Variants in PCDHGA2 observed in about 807,000 individuals in gnomAD.
PCDHGA2 encodes the protein protocadherin gamma-A2.
Under a neutral mutation model 59.2 loss-of-function variants are expected in PCDHGA2, and 40 were observed. The ratio of observed to expected loss-of-function variants is 0.68; its 90% CI spans 0.52 to 0.88. The LOEUF is 0.88. PCDHGA2 is among the 40% of genes least tolerant of loss of function. PCDHGA2 has a pLI of 0.00. For synonymous variants in PCDHGA2, 560 were observed against 526.0 expected (o/e 1.06, Z -0.89); for missense variants, 1,226 against 1,204.0 (o/e 1.02, Z -0.27).
At chr5:141,410,039 G>A (rs1413013254) in intron 1 of PCDHGA2, 2 of 1,613,264 alleles carry the variant, frequency 1.2e-6, no homozygotes, top group South Asian at 1.1e-5. Context: ...GCAGGCCAGT[G>A]AGCCCGGACT....
chr5:141,351,134 C>T (rs867124359), intron 1 of PCDHGA2: 1 of 1,614,022 alleles, frequency 6.2e-7, no homozygotes, highest in South Asian at 1.1e-5. Context: ...CAATCTCAAT[C>T]CAAATACTGG....
intron 1 of PCDHGA2, chr5:141,394,129 C>T: frequency 3.7e-6 from 6 of 1,613,968 alleles, no homozygotes; most frequent in Non-Finnish European, 5.1e-6. Context: ...ACTCAAATCG[C>T]TCTGCACGTG....
rs759041753 is a variant in PCDHGA2 at position 141,388,806 on chromosome 5, G to A, written c.2424+47411G>A. 32 of 1,613,842 alleles carry A rather than the reference G, an allele frequency of 2.0e-5. No individual in the cohort carries two copies. Among genetic ancestry groups the A allele is most frequent in the Non-Finnish European group, 2.5e-5 (29 of 1,179,864 alleles). On this transcript the variant is annotated intron_variant, in intron 1 of 3. Coordinates refer to ENST00000394576, the MANE Select transcript of PCDHGA2 (RefSeq NM_018915.4). Reference sequence around the variant, plus strand: ...TACTGTTTTAAATACATTAGATTTTGAAGAAGTCAAAGAATATTCCATAGT... The same window carrying A: ...TACTGTTTTAAATACATTAGATTTTAAAGAAGTCAAAGAATATTCCATAGT...
intron 1 of PCDHGA2, chr5:141,387,746 C>T (rs1051013306): frequency 1.5e-6 from 2 of 1,365,936 alleles, no homozygotes; most frequent in Non-Finnish European, 9.8e-7. Flanking sequence ...ACACCGCTTC[C>T]TCCTCGGAAA....
intron 1 of PCDHGA2, among the ~76,000 whole-genome samples, chr5:141,347,137 C>CTCTTTCTTTCTTTCTT (rs70988799): frequency 0.086 from 9,761 of 113,734 alleles, 841 homozygotes; most frequent in African/African-American, 0.13. Flanking sequence ...CTCTGTTTCT[C>CTCTTTCTTTCTTTCTT]TCTTTCTTTC....
chr5:141,507,251 A>G (rs958917337), intron 3 of PCDHGA2: 3 of 152,400 alleles, frequency 2.0e-5, no homozygotes, highest in Non-Finnish European at 4.4e-5. Context: ...TGAATGTCAG[A>G]TAAACAGCAA....
At chr5:141,423,495 C>T in intron 1 of PCDHGA2, 1 of 1,613,946 alleles carries the variant, frequency 6.2e-7, no homozygotes, top group African/African-American at 1.3e-5. Context: ...CCTATTCCCA[C>T]GAGGTCTCTC....
intron 1 of PCDHGA2, chr5:141,422,633 G>A (rs769515606): frequency 1.9e-6 from 3 of 1,613,120 alleles, no homozygotes; most frequent in Non-Finnish European, 2.5e-6. Flanking sequence ...AACCCCAGGG[G>A]TGCCTCCATC....
intron 1 of PCDHGA2, chr5:141,423,815 C>G (rs1002418139): frequency 7.9e-7 from 1 of 1,271,358 alleles, no homozygotes; most frequent in African/African-American, 1.6e-5. Context: ...GTGAGTTTTA[C>G]TTTGCCTTTC....
intron 1 of PCDHGA2, chr5:141,357,723 T>TA: frequency 7.2e-6 from 10 of 1,391,112 alleles, no homozygotes; most frequent in Middle Eastern, 3.8e-4. Context: ...AAGTTGCCTC[T>TA]TTTAATATTT....
In PCDHGA2 at chr5:141,376,126, C is replaced by T. The variant is rs770848918; in HGVS notation, c.2424+34731C>T. 8 of 1,613,916 alleles carry T rather than the reference C, an allele frequency of 5.0e-6. No individual in the cohort carries two copies. In the East Asian group the frequency reaches 1.3e-4, roughly 27 times the overall value. On this transcript the variant is annotated intron_variant, in intron 1 of 3. Transcript: ENST00000394576. ...CCGACCTGGGCAGCCTCGAGCCCTCCGCCAAACCCAACGATTCGGACCTCA... is the reference window on the plus strand; with the variant it reads ...CCGACCTGGGCAGCCTCGAGCCCTCTGCCAAACCCAACGATTCGGACCTCA...
rs2099612736 is a variant in PCDHGA2 at position 141,485,393 on chromosome 5, C to T, written c.2425-9414C>T. The T allele has an allele frequency of 6.2e-7, 1 of 1,614,154 alleles. No homozygotes were observed. The highest frequency in any genetic ancestry group is 1.7e-5 in the Admixed American group (1 of 60,020). ...GGTCGCTGGAGAGGTGAACCAAAGA[C>T]ACTTCCGTGTGGATTTGGACAGCGG... On this transcript the variant is annotated intron_variant, in intron 1 of 3. Coordinates refer to ENST00000394576, the MANE Select transcript of PCDHGA2 (RefSeq NM_018915.4). The surrounding 1 kb of genome is among the most constrained non-coding windows in gnomAD (Gnocchi z 5.7).
intron 1 of PCDHGA2, among the ~76,000 whole-genome samples, chr5:141,349,773 A>G (rs1208499029): frequency 2.6e-5 from 4 of 152,224 alleles, no homozygotes; most frequent in Non-Finnish European, 4.4e-5. Context: ...GTTTATAAAT[A>G]TAGTGAAATC....
chr5:141,409,096 A>C, intron 1 of PCDHGA2: 1 of 1,614,074 alleles, frequency 6.2e-7, no homozygotes, highest in African/African-American at 1.3e-5. Context: ...ATGAGAAAAC[A>C]GGTATGATTA....
rs2097383403 is a variant in PCDHGA2 at position 141,431,483 on chromosome 5, T to C, written c.2425-63324T>C. On this transcript the variant is annotated intron_variant, in intron 1 of 3. Coordinates refer to ENST00000394576, the MANE Select transcript of PCDHGA2 (RefSeq NM_018915.4). This position sits in a 1 kb window ranked among gnomAD's most constrained non-coding sequence, Gnocchi z 4.8. ...GGATGCGAACGACAACGCACCAGCG[T>C]TTGCTCAGCCCGAGTACCGCGCGAG... 2 of 1,613,758 alleles carry C rather than the reference T, an allele frequency of 1.2e-6. No homozygotes were observed. The highest frequency in any genetic ancestry group is 2.7e-5 in the African/African-American group (2 of 74,938).
chr5:141,383,979 A>C (rs1388219452), intron 1 of PCDHGA2: 1 of 1,613,678 alleles, frequency 6.2e-7, no homozygotes, highest in Non-Finnish European at 8.5e-7. Context: ...CTGAAGACAC[A>C]CCTCTTGGGA....
At chr5:141,373,974 C>G in intron 1 of PCDHGA2, 2 of 1,051,508 alleles carry the variant, frequency 1.9e-6, no homozygotes, top group Non-Finnish European at 2.6e-6. Flanking sequence ...CGCTTCGCAT[C>G]CGGTCTCTGC....
chr5:141,399,054 G>T (rs76381401), intron 1 of PCDHGA2: 1 of 1,613,694 alleles, frequency 6.2e-7, no homozygotes, highest in South Asian at 1.1e-5. Context: ...AAGAGACCAA[G>T]GAATATTCAA....
chr5:141,405,522 C>T (rs542329840), intron 1 of PCDHGA2: 28 of 682,252 alleles, frequency 4.1e-5, no homozygotes, highest in Admixed American at 8.3e-5. Flanking sequence ...CAAATTCAAG[C>T]GATTCTCCTG....
Sources: gnomAD v4.1 joint callset for allele counts (sites outside exome capture counted in the v4.1 genomes callset) on GRCh38, gnomAD v4.1.1 for gene constraint, Gnocchi (gnomAD v3.1) non-coding constraint, MANE v1.5 for transcripts, NCBI Gene and HGNC (gene_info 2026-07-23, HGNC 2026-07-21) for gene names.